DNER: variants seen among roughly 807,000 people sequenced by gnomAD.
The protein encoded by DNER is delta/notch like EGF repeat containing.
DNER carries 33 observed loss-of-function variants against 78.2 expected under a neutral mutation model. The observed-to-expected ratio is 0.42, with a 90% CI of 0.32 to 0.56. The LOEUF is 0.56. Ranked by LOEUF, DNER falls within the 20% of genes least tolerant of loss-of-function variation. DNER has a pLI of 0.11. For synonymous variants in DNER, 417 were observed against 384.8 expected (o/e 1.08, Z -0.98); for missense variants, 918 against 975.3 (o/e 0.94, Z 0.78).
At chr2:229,364,080 A>C (rs62190329) in intron 12 of DNER, among the ~76,000 whole-genome samples, 57,691 of 141,598 alleles carry the variant, frequency 0.41, 11,994 homozygotes, top group Middle Eastern at 0.51. Flanking sequence ...AGCCAGGATG[A>C]TCTCTATCTC....
rs5839345 is a variant in DNER, at chr2:229,644,334, C to CTT, written c.277-52448_277-52447dup. On this transcript the variant is annotated intron_variant, in intron 1 of 12. Coordinates refer to ENST00000341772, the MANE Select transcript of DNER (RefSeq NM_139072.4). Reference sequence around the variant, plus strand: ...AAGTATGATGACTGTCTTGCTTTCTCTTTTTTTTTTTTTTTTTTTTTTTTT... The same window carrying CTT: ...AAGTATGATGACTGTCTTGCTTTCTCTTTTTTTTTTTTTTTTTTTTTTTTTTT... Among the ~76,000 whole-genome samples, 638 of 97,520 alleles carry CTT rather than the reference C, an allele frequency of 6.5e-3. 92 individuals are homozygous for CTT. The highest frequency in any genetic ancestry group is 0.023 in the African/African-American group (517 of 22,310). 64.0% of individuals were successfully genotyped at this position (97,520 alleles called of 152,430 possible). A position where few individuals can be genotyped will look rare whatever the true frequency, so the allele number is the denominator to read the frequency against.
chr2:229,359,289 C>G (rs1487229413), intron 12 of DNER, among the ~76,000 whole-genome samples: 2 of 152,218 alleles, frequency 1.3e-5, no homozygotes, highest in Non-Finnish European at 2.9e-5. Context: ...AAGCCATTGT[C>G]CCAACAGATT....
intron 4 of DNER, among the ~76,000 whole-genome samples, chr2:229,575,244 C>T (rs1015636752): frequency 4.6e-5 from 7 of 150,738 alleles, no homozygotes; most frequent in African/African-American, 1.7e-4. Context: ...GCTTTGAAGT[C>T]ATATCTTCAG....
At chr2:229,689,882 A>G (rs1699539245) in intron 1 of DNER, among the ~76,000 whole-genome samples, 1 of 152,188 alleles carries the variant, frequency 6.6e-6, no homozygotes, top group Non-Finnish European at 1.5e-5. Flanking sequence ...TGGATGCCCC[A>G]TCTAGAACTC....
At chr2:229,700,246 T>TATTAG (rs1211075271) in intron 1 of DNER, among the ~76,000 whole-genome samples, 1 of 151,874 alleles carries the variant, frequency 6.6e-6, no homozygotes, top group Non-Finnish European at 1.5e-5. Flanking sequence ...TAGCAGTATT[T>TATTAG]ATTAGAATGC....
At chr2:229,441,183 G>T (rs1042552607) in intron 8 of DNER, among the ~76,000 whole-genome samples, 6 of 151,800 alleles carry the variant, frequency 4.0e-5, no homozygotes, top group Non-Finnish European at 5.9e-5. Context: ...CATGACCCAG[G>T]ACTTCCCCCA....
In DNER at chr2:229,590,068, A is replaced by G. The variant is rs368179894; in HGVS notation, c.585+1512T>C. On this transcript the variant is annotated intron_variant, in intron 2 of 12. Coordinates refer to ENST00000341772, the MANE Select transcript of DNER (RefSeq NM_139072.4). ...TATTTTTTTTTTTTTCATTTAAACG[A>G]TGAAACCCGTAATAATAACATACCG... is the stretch of plus-strand genomic sequence containing the variant. Among the ~76,000 whole-genome samples, 5 of 151,972 alleles carry G rather than the reference A, an allele frequency of 3.3e-5. No individual in the cohort carries two copies. The East Asian group carries it at 9.6e-4, about 29-fold the overall frequency.
intron 7 of DNER, among the ~76,000 whole-genome samples, chr2:229,458,135 C>CAAAAAAAAAAAAAAAAAAAAAAAA (rs61340733): frequency 5.6e-5 from 1 of 17,718 alleles, no homozygotes; most frequent in African/African-American, 2.1e-4. Context: ...GACTCTATCT[C>CAAAAAAAAAAAAAAAAAAAAAAAA]AAAAAAAAAA....
chr2:229,592,910 C>T (rs1341793100), intron 1 of DNER, among the ~76,000 whole-genome samples: 1 of 152,146 alleles, frequency 6.6e-6, no homozygotes, highest in Non-Finnish European at 1.5e-5. Flanking sequence ...AATGAGTTCA[C>T]ACACTTAAAC....
intron 1 of DNER, among the ~76,000 whole-genome samples, chr2:229,604,535 G>C (rs1697897161): frequency 6.6e-6 from 1 of 152,240 alleles, no homozygotes; most frequent in South Asian, 2.1e-4. Context: ...AGAAAAATCA[G>C]GGTCACCTTG....
rs570812680 is a variant in DNER at position 229,587,525 on chromosome 2, T to C, written c.680+869A>G. On this transcript the variant is annotated intron_variant, in intron 3 of 12. Coordinates refer to ENST00000341772, the MANE Select transcript of DNER (RefSeq NM_139072.4). ...GTAGACAAAAATGGCGATGGATACA[T>C]GGAAGAGACCTACAGTGCCCGCAGG... Among the ~76,000 whole-genome samples, 3 of 152,286 alleles carry C rather than the reference T, an allele frequency of 2.0e-5. No individual in the cohort carries two copies. In the South Asian group the frequency reaches 6.2e-4, roughly 32 times the overall value.
intron 7 of DNER, among the ~76,000 whole-genome samples, chr2:229,469,656 G>C (rs1694880859): frequency 6.6e-6 from 1 of 152,204 alleles, no homozygotes; most frequent in Non-Finnish European, 1.5e-5. Flanking sequence ...TAATGTCAAA[G>C]TGCTGGCCGG....
chr2:229,367,563 T>G (rs145803107), intron 11 of DNER, among the ~76,000 whole-genome samples: 3,255 of 152,112 alleles, frequency 0.021, 111 homozygotes, highest in African/African-American at 0.073. Context: ...ATTGCACCAC[T>G]GCACTCCAGC....
rs150384528 is a variant in DNER, at chr2:229,459,480, G to T, written c.1262-11940C>A. Among the ~76,000 whole-genome samples the T allele has an allele frequency of 3.1e-3, 479 of 152,156 alleles. 9 individuals are homozygous for T. The highest frequency in any genetic ancestry group is 0.01 in the African/African-American group (434 of 41,448). On this transcript the variant is annotated intron_variant, in intron 7 of 12. Transcript: ENST00000341772. ...CTTACTACATACGGGACATTATGCC[G>T]AGCAATTGGTATCTATTCTTTCTTA...
chr2:229,407,276 C>T lies in DNER; in HGVS notation c.1679G>A (p.Ser560Asn), dbSNP rs775049407. 4 of 1,613,746 alleles carry T rather than the reference C, an allele frequency of 2.5e-6. No homozygotes were observed. The highest frequency in any genetic ancestry group is 3.4e-6 in the Non-Finnish European group (4 of 1,179,774). ...VSCLNGATCD[S>N]DGLNGTCICA... Reference sequence around the variant, plus strand: ...GATGCACGTGCCATTCAGGCCGTCGCTGTCACAGGTGGCTCCGTTCAGACA... The same window carrying T: ...GATGCACGTGCCATTCAGGCCGTCGTTGTCACAGGTGGCTCCGTTCAGACA... Residue 560 changes from serine (S) to asparagine (N), a missense_variant, in exon 10 of 13, where the codon AGC becomes AAC. Coordinates refer to ENST00000341772, the MANE Select transcript of DNER (RefSeq NM_139072.4).
rs543428647 is a variant in DNER at position 229,710,383 on chromosome 2, G to A, written c.276+3765C>T. Among the ~76,000 whole-genome samples, 6 of 152,270 alleles carry A rather than the reference G, an allele frequency of 3.9e-5. 1 individual carries two copies. The South Asian group carries it at 1.2e-3, about 32-fold the overall frequency. On this transcript the variant is annotated intron_variant, in intron 1 of 12. Transcript: ENST00000341772. ...GCCCTGTATCAAGCCAGCCTGGCTG[G>A]CTCAAATTCCAGTTCCAGTTCTCAC...
At chr2:229,687,065 CT>C (rs1386397860) in intron 1 of DNER, among the ~76,000 whole-genome samples, 2 of 152,068 alleles carry the variant, frequency 1.3e-5, no homozygotes, top group Non-Finnish European at 2.9e-5. Context: ...TTTGTGTCTT[CT>C]TTTTTCTTTT....
intron 5 of DNER, among the ~76,000 whole-genome samples, chr2:229,531,217 G>A (rs968468106): frequency 4.6e-5 from 7 of 152,128 alleles, no homozygotes; most frequent in Non-Finnish European, 1.0e-4. Flanking sequence ...TCCATCCAAA[G>A]CAAAGCAACC....
intron 1 of DNER, among the ~76,000 whole-genome samples, chr2:229,699,784 C>G (rs1185812880): frequency 1.3e-5 from 2 of 152,166 alleles, no homozygotes; most frequent in Non-Finnish European, 2.9e-5. Context: ...ACATATTATA[C>G]AGTATGGTAA....
Sources: gnomAD v4.1 joint callset for allele counts (sites outside exome capture counted in the v4.1 genomes callset) on GRCh38, gnomAD v4.1.1 for gene constraint, MANE v1.5 for transcripts, NCBI Gene and HGNC (gene_info 2026-07-23, HGNC 2026-07-21) for gene names.